The following ABTB3 variants were observed in gnomAD, a reference collection of about 807,000 sequenced individuals.
ABTB3 encodes the protein ankyrin repeat and BTB domain containing 3.
the ABTB3 span, among the ~76,000 whole-genome samples, chr12:107,438,473 G>T: frequency 6.6e-6 from 1 of 152,144 alleles, no homozygotes; most frequent in African/African-American, 2.4e-5. Context: ...AATACAGCCC[G>T]TTGCCTGCTT....
At chr12:107,558,503 G>T in the ABTB3 span, among the ~76,000 whole-genome samples, 2 of 152,168 alleles carry the variant, frequency 1.3e-5, no homozygotes, top group South Asian at 4.1e-4. Context: ...TTGTCTGCAG[G>T]TGTCATGGGG....
At chr12:107,377,613 T>C in the ABTB3 span, among the ~76,000 whole-genome samples, 1 of 152,178 alleles carries the variant, frequency 6.6e-6, no homozygotes, top group African/African-American at 2.4e-5. Context: ...TAGCTCCTCA[T>C]TGTGGTTCTG....
At chr12:107,540,599 G>A in the ABTB3 span, among the ~76,000 whole-genome samples, 2 of 152,150 alleles carry the variant, frequency 1.3e-5, no homozygotes, top group Non-Finnish European at 2.9e-5. Context: ...TGAGCTCAGT[G>A]GATCGTAGTC....
the ABTB3 span, among the ~76,000 whole-genome samples, chr12:107,458,576 C>A: frequency 6.6e-6 from 1 of 152,134 alleles, no homozygotes; most frequent in Non-Finnish European, 1.5e-5. Context: ...GAAGGCAGAT[C>A]CACCCCTCAC....
chr12:107,520,971 G>A, the ABTB3 span, among the ~76,000 whole-genome samples: 3 of 152,136 alleles, frequency 2.0e-5, no homozygotes, highest in African/African-American at 7.2e-5. Context: ...CATCCATAAA[G>A]GTGTCTACCT....
the ABTB3 span, among the ~76,000 whole-genome samples, chr12:107,360,930 A>ATTTTTTT: frequency 0.16 from 13,463 of 84,130 alleles, 1,552 homozygotes; most frequent in East Asian, 0.24. Context: ...ATTTAATTTA[A>ATTTTTTT]TTTTTTTTTT....
At chr12:107,491,838 A>C in the ABTB3 span, among the ~76,000 whole-genome samples, 2 of 152,108 alleles carry the variant, frequency 1.3e-5, no homozygotes, top group South Asian at 4.1e-4. Context: ...AAAAAAAAAA[A>C]AAAACCCGGT....
At chr12:107,333,734 GA>G in the ABTB3 span, among the ~76,000 whole-genome samples, 1 of 152,084 alleles carries the variant, frequency 6.6e-6, no homozygotes, top group African/African-American at 2.4e-5. Context: ...TCAGTCCATA[GA>G]AAAAAATCAT....
the ABTB3 span, among the ~76,000 whole-genome samples, chr12:107,567,170 C>T: frequency 6.6e-6 from 1 of 152,232 alleles, no homozygotes. Flanking sequence ...AATCATTGAC[C>T]TGTGCTCAGA....
At chr12:107,579,493 T>C in the ABTB3 span, among the ~76,000 whole-genome samples, 1 of 152,164 alleles carries the variant, frequency 6.6e-6, no homozygotes, top group East Asian at 1.9e-4. Context: ...AGCACAGAGG[T>C]TGGTCCTAGG....
At chr12:107,416,513 G>A in the ABTB3 span, among the ~76,000 whole-genome samples, 1 of 151,160 alleles carries the variant, frequency 6.6e-6, no homozygotes, top group Non-Finnish European at 1.5e-5. Context: ...TGCCTAGTTA[G>A]GTATGTTTGT....
chr12:107,414,658 GTC>G, the ABTB3 span, among the ~76,000 whole-genome samples: 1 of 151,388 alleles, frequency 6.6e-6, no homozygotes, highest in Non-Finnish European at 1.5e-5. Context: ...ACCTCGTCTG[GTC>G]TCTGCCTTTC....
the ABTB3 span, among the ~76,000 whole-genome samples, chr12:107,530,530 G>T: frequency 1.2e-4 from 18 of 152,166 alleles, no homozygotes; most frequent in South Asian, 6.2e-4. Flanking sequence ...ACACTTTGGG[G>T]TTTTTTTCTC....
the ABTB3 span, among the ~76,000 whole-genome samples, chr12:107,427,426 T>G: frequency 6.6e-6 from 1 of 152,136 alleles, no homozygotes; most frequent in African/African-American, 2.4e-5. Context: ...GGACAACAGA[T>G]GTGTGCAACA....
At chr12:107,612,553 A>G in the ABTB3 span, among the ~76,000 whole-genome samples, 165 of 152,328 alleles carry the variant, frequency 1.1e-3, no homozygotes, top group African/African-American at 3.7e-3. Context: ...AAGGCAAGGA[A>G]AGATAAATGC....
the ABTB3 span, among the ~76,000 whole-genome samples, chr12:107,335,069 T>C: frequency 6.6e-6 from 1 of 151,760 alleles, no homozygotes; most frequent in Non-Finnish European, 1.5e-5. Flanking sequence ...GAGGATTGCT[T>C]GAGGCCAGGA....
the ABTB3 span, among the ~76,000 whole-genome samples, chr12:107,567,410 G>A: frequency 6.6e-6 from 1 of 152,210 alleles, no homozygotes; most frequent in African/African-American, 2.4e-5. Flanking sequence ...GGTCCCATGA[G>A]ATTATGGTAC....
the ABTB3 span, among the ~76,000 whole-genome samples, chr12:107,643,672 G>C: frequency 6.6e-6 from 1 of 151,986 alleles, no homozygotes; most frequent in African/African-American, 2.4e-5. Context: ...TTGCTTTGGA[G>C]GGTGATGAGG....
At chr12:107,445,856 C>A in the ABTB3 span, among the ~76,000 whole-genome samples, 1 of 147,942 alleles carries the variant, frequency 6.8e-6, no homozygotes. Context: ...GCAAACATCT[C>A]CAAATCTCCC....
Sources: allele counts gnomAD v4.1 joint callset (sites outside exome capture counted in the v4.1 genomes callset), GRCh38; gene constraint gnomAD v4.1.1; transcripts MANE v1.5; gene names NCBI Gene and HGNC (gene_info 2026-07-23, HGNC 2026-07-21).